CBL: variants seen among roughly 807,000 people sequenced by gnomAD.
CBL encodes the protein Cbl proto-oncogene.
In CBL, 45 loss-of-function variants were observed where a neutral mutation model predicts 96.9. The ratio of observed to expected loss-of-function variants is 0.46; its 90% CI spans 0.37 to 0.60. CBL has a LOEUF of 0.60. CBL is among the 20% of genes least tolerant of loss of function. The pLI, the probability that CBL is intolerant of heterozygous loss-of-function variation, is 0.00. For synonymous variants in CBL, 420 were observed against 426.8 expected (o/e 0.98, Z 0.20); for missense variants, 1,024 against 1,143.5 (o/e 0.90, Z 1.51).
chr11:119,303,922 T>C lies in CBL; in HGVS notation c.*4141T>C, dbSNP rs1950118008. 3 of 233,584 alleles carry C rather than the reference T, an allele frequency of 1.3e-5. No individual in the cohort carries two copies. The allele number at this position is 233,584 out of a possible 1,614,324, so 14.5% of individuals were successfully genotyped here. The stretch of plus-strand genomic sequence containing the variant: ...TTATGGGACCTGTCACCATGTCCTG[T>C]ACTATTTGGAATTGGTTTTCCAGTC... On this transcript the variant is annotated 3_prime_UTR_variant, in exon 16 of 16. Transcript: ENST00000264033.
chr11:119,247,567 A>G (rs1488733329), intron 2 of CBL, among the ~76,000 whole-genome samples: 2 of 152,150 alleles, frequency 1.3e-5, no homozygotes, highest in East Asian at 3.9e-4. Context: ...TCCCAGCACT[A>G]TGGGAGGCCG....
chr11:119,221,924 T>G (rs73003004), intron 1 of CBL, among the ~76,000 whole-genome samples: 2,049 of 152,276 alleles, frequency 0.013, 23 homozygotes, highest in Non-Finnish European at 0.023. Flanking sequence ...ATAACTTGCT[T>G]GAGGTTGTAT....
chr11:119,284,628 T>C (rs560581444), intron 9 of CBL, among the ~76,000 whole-genome samples: 1 of 152,300 alleles, frequency 6.6e-6, no homozygotes, highest in Non-Finnish European at 1.5e-5. Flanking sequence ...GATTTTTTTC[T>C]TTCTCCAAAG....
At chr11:119,239,682 C>A (rs1949570656) in intron 2 of CBL, among the ~76,000 whole-genome samples, 2 of 152,174 alleles carry the variant, frequency 1.3e-5, no homozygotes, top group African/African-American at 4.8e-5. Flanking sequence ...AAATGTTCAG[C>A]CTTTCACCAT....
chr11:119,275,055 C>G, intron 5 of CBL, 102 bp downstream of exon 5: 5 of 1,164,488 alleles, frequency 4.3e-6, no homozygotes, highest in Non-Finnish European at 6.4e-6. Context: ...TCGCAATAGC[C>G]AAGGTTCTGC....
In CBL at chr11:119,236,622, T is replaced by TATATATAC. The variant is rs398017756; in HGVS notation, c.443+3928_443+3929insTATATACA. Among the ~76,000 whole-genome samples, 1,027 of 144,300 alleles carry TATATATAC rather than the reference T, an allele frequency of 7.1e-3. 12 individuals carry two copies. Among genetic ancestry groups the TATATATAC allele is most frequent in the African/African-American group, 0.025 (972 of 38,964 alleles). 94.7% of individuals were successfully genotyped at this position (144,300 alleles called of 152,430 possible). A position where few individuals can be genotyped will look rare whatever the true frequency, so the allele number is the denominator to read the frequency against. Reference sequence around the variant, plus strand: ...ATATATATATATATATATATATATATACCCATAGGAGTGGAATTGCTGAGT... The same window carrying TATATATAC: ...ATATATATATATATATATATATATATATATATACACCCATAGGAGTGGAATTGCTGAGT... On this transcript the variant is annotated intron_variant, in intron 2 of 15. Transcript: ENST00000264033.
At chr11:119,223,774 G>A (rs1182215034) in intron 1 of CBL, among the ~76,000 whole-genome samples, 6 of 151,846 alleles carry the variant, frequency 4.0e-5, no homozygotes, top group African/African-American at 9.7e-5. Flanking sequence ...TTACAGGCAC[G>A]TGCCACCACA....
intron 12 of CBL, among the ~76,000 whole-genome samples, chr11:119,294,847 A>T (rs1950053007): frequency 8.2e-6 from 1 of 121,988 alleles, no homozygotes; most frequent in South Asian, 3.4e-4. Context: ...GAAGAAATAA[A>T]TGTTACCTGT....
intron 1 of CBL, among the ~76,000 whole-genome samples, chr11:119,219,849 ATT>A (rs550380245): frequency 0.57 from 66,465 of 117,236 alleles, 17,155 homozygotes; most frequent in East Asian, 0.84. Context: ...ACGCCCGACT[ATT>A]TTTTTTTTTT....
chr11:119,235,588 T>C (rs1949539322), intron 2 of CBL, among the ~76,000 whole-genome samples: 1 of 152,130 alleles, frequency 6.6e-6, no homozygotes, highest in African/African-American at 2.4e-5. Flanking sequence ...GTACTGGTTT[T>C]TCTGTGGTAG....
intron 2 of CBL, 66 bp from the exon 3 acceptor site, chr11:119,271,669 G>C (rs1949849784): frequency 2.3e-6 from 3 of 1,321,308 alleles, no homozygotes; most frequent in African/African-American, 2.9e-5. Context: ...CTTGTATGGT[G>C]AATTTGGTGC....
chr11:119,214,242 CTT>C (rs879705207), intron 1 of CBL, among the ~76,000 whole-genome samples: 15 of 142,020 alleles, frequency 1.1e-4, no homozygotes, highest in Non-Finnish European at 1.2e-4. Flanking sequence ...CCCGCCCGGA[CTT>C]TTTTTTTTTT....
chr11:119,242,010 A>T (rs1195904674), intron 2 of CBL, among the ~76,000 whole-genome samples: 1 of 152,246 alleles, frequency 6.6e-6, no homozygotes, highest in African/African-American at 2.4e-5. Context: ...TGTATTTTAC[A>T]GTGACAGTAT....
chr11:119,299,246 A>C (rs1003905478), intron 15 of CBL, among the ~76,000 whole-genome samples: 1 of 152,194 alleles, frequency 6.6e-6, no homozygotes, highest in Admixed American at 6.5e-5. Context: ...CATGATGCAG[A>C]TGTTTATGAT....
chr11:119,299,602 G>A lies in CBL; in HGVS notation c.2542G>A (p.Ala848Thr), dbSNP rs141710973. 110 of 1,614,132 alleles carry A rather than the reference G, an allele frequency of 6.8e-5. 1 individual carries two copies. In the African/African-American group the frequency reaches 1.0e-3, roughly 15 times the overall value. Reference sequence around the variant, plus strand: ...CTGTCAGCAAGGTAGTGGTCCTGCCGCCTCTGCTGCCACCGCCTCACCTCA... The same window carrying A: ...CTGTCAGCAAGGTAGTGGTCCTGCCACCTCTGCTGCCACCGCCTCACCTCA... Reference protein sequence around the residue: ...GSCQQGSGPAASAATASPQLS... With the variant: ...GSCQQGSGPATSAATASPQLS... Residue 848 changes from alanine to threonine, a missense_variant, in exon 16 of 16, where the codon GCC becomes ACC. Coordinates refer to ENST00000264033, the MANE Select transcript of CBL (RefSeq NM_005188.4).
chr11:119,236,549 TATAGCCATATAA>T (rs1010719349), intron 2 of CBL, among the ~76,000 whole-genome samples: 2 of 150,856 alleles, frequency 1.3e-5, no homozygotes, highest in African/African-American at 4.9e-5. Context: ...TTTGTATGGC[TATAGCCATATAA>T]ACATATATAC....
chr11:119,238,061 G>T (rs1004877849), intron 2 of CBL, among the ~76,000 whole-genome samples: 3 of 151,436 alleles, frequency 2.0e-5, no homozygotes, highest in Admixed American at 2.0e-4. Flanking sequence ...CACTAGAGAC[G>T]GGGTTTCACC....
chr11:119,290,467 C>T lies in CBL; in HGVS notation c.2036+2521C>T, dbSNP rs1035125533. ...GAGATTGAGACCATCCTGGCTAATGCGGTGAAACCCCATCTCTACTAAAAA... is the reference window on the plus strand; with the variant it reads ...GAGATTGAGACCATCCTGGCTAATGTGGTGAAACCCCATCTCTACTAAAAA... On this transcript the variant is annotated intron_variant, in intron 12 of 15. Coordinates refer to ENST00000264033, the MANE Select transcript of CBL (RefSeq NM_005188.4). Among the ~76,000 whole-genome samples, 6 of 150,574 alleles carry T rather than the reference C, an allele frequency of 4.0e-5. 1 individual carries two copies. Among genetic ancestry groups the T allele is most frequent in the Admixed American group, 3.3e-4 (5 of 15,178 alleles).
chr11:119,274,526 T>G (rs1949873676), intron 4 of CBL, among the ~76,000 whole-genome samples: 1 of 152,254 alleles, frequency 6.6e-6, no homozygotes, highest in Non-Finnish European at 1.5e-5. Flanking sequence ...TAGTTGCACC[T>G]ATAGGCCCTA....
Sources: allele counts gnomAD v4.1 joint callset (sites outside exome capture counted in the v4.1 genomes callset), GRCh38; gene constraint gnomAD v4.1.1; transcripts MANE v1.5; gene names NCBI Gene and HGNC (gene_info 2026-07-23, HGNC 2026-07-21).